TP63: variants seen among roughly 807,000 people sequenced by gnomAD.
The protein encoded by TP63 is tumor protein p63, also known as tumor protein 63.
A neutral mutation model predicts 82.8 loss-of-function variants in TP63; 17 were observed. The observed-to-expected ratio is 0.21, with a 90% CI of 0.14 to 0.31. TP63 has a LOEUF of 0.31. Ranked by LOEUF, TP63 falls within the 10% of genes least tolerant of loss-of-function variation. The pLI is 1.00. For synonymous variants in TP63, 330 were observed against 321.7 expected (o/e 1.03, Z -0.28); for missense variants, 648 against 895.3 (o/e 0.72, Z 3.52).
At chr3:189,612,657 G>A in the TP63 span, among the ~76,000 whole-genome samples, 1 of 152,144 alleles carries the variant, frequency 6.6e-6, no homozygotes, top group South Asian at 2.1e-4. Flanking sequence ...GAGTTTGGAG[G>A]GCTCAGAAGA....
chr3:189,864,511 C>A, intron 5 of TP63, 93 bp downstream of exon 5: 10 of 962,316 alleles, frequency 1.0e-5, no homozygotes, highest in Non-Finnish European at 1.0e-5. Flanking sequence ...CTGATTCAGA[C>A]TTCTGCACTC....
chr3:189,702,022 T>C (rs1717852409), intron 1 of TP63, among the ~76,000 whole-genome samples: 1 of 152,206 alleles, frequency 6.6e-6, no homozygotes, highest in Admixed American at 6.5e-5. Flanking sequence ...TGCATTATCT[T>C]AGGGAGCCTG....
chr3:189,726,026 G>A (rs1719751186), intron 1 of TP63, among the ~76,000 whole-genome samples: 2 of 136,576 alleles, frequency 1.5e-5, no homozygotes. Context: ...TTGCACTCCA[G>A]CCTAGGCAAC....
chr3:189,660,656 A>T (rs1173433850), intron 1 of TP63, among the ~76,000 whole-genome samples: 1 of 152,106 alleles, frequency 6.6e-6, no homozygotes, highest in African/African-American at 2.4e-5. Context: ...TTTGGGCATT[A>T]TGGCTATTAC....
At chr3:189,740,763 G>T (rs1380531940) in intron 3 of TP63, among the ~76,000 whole-genome samples, 4 of 152,040 alleles carry the variant, frequency 2.6e-5, no homozygotes, top group African/African-American at 9.7e-5. Flanking sequence ...GCCTCTGAAA[G>T]TGCTGGGATT....
intron 12 of TP63, among the ~76,000 whole-genome samples, chr3:189,889,943 A>G (rs969894560): frequency 1.3e-5 from 2 of 152,200 alleles, no homozygotes. Context: ...ATCCAAAATG[A>G]CAGGGACTTT....
chr3:189,679,053 T>C lies in TP63; in HGVS notation c.62+47476T>C, dbSNP rs183502075. On this transcript the variant is annotated intron_variant, in intron 1 of 13. Transcript: ENST00000264731. ...TCATTCATGTTTAGATGAACAGAGG[T>C]TGATTCCGTATCTGAGCTATTGTGA... Among the ~76,000 whole-genome samples, 3 of 152,122 alleles carry C rather than the reference T, an allele frequency of 2.0e-5. No homozygotes were observed. The East Asian group carries it at 5.8e-4, about 29-fold the overall frequency.
intron 1 of TP63, among the ~76,000 whole-genome samples, chr3:189,678,183 G>A (rs755548205): frequency 6.6e-6 from 1 of 151,914 alleles, no homozygotes; most frequent in African/African-American, 2.4e-5. Flanking sequence ...ACTGTCCCAA[G>A]TGTTTTTTCT....
chr3:189,811,612 C>T (rs1235012654), intron 4 of TP63, among the ~76,000 whole-genome samples: 1 of 152,102 alleles, frequency 6.6e-6, no homozygotes, highest in Non-Finnish European at 1.5e-5. Flanking sequence ...AATTATATAT[C>T]CTCATGTTTA....
chr3:189,780,943 G>A (rs1223373975), intron 3 of TP63, among the ~76,000 whole-genome samples: 1 of 152,136 alleles, frequency 6.6e-6, no homozygotes, highest in African/African-American at 2.4e-5. Context: ...TTTTGTGTTT[G>A]TGGTAAGGGC....
intron 4 of TP63, among the ~76,000 whole-genome samples, chr3:189,834,610 C>T (rs1433492594): frequency 1.3e-5 from 2 of 152,150 alleles, no homozygotes; most frequent in African/African-American, 2.4e-5. Flanking sequence ...TGGCTGTTCA[C>T]ACAGAACAGA....
intron 1 of TP63, among the ~76,000 whole-genome samples, chr3:189,721,019 AG>A (rs1398956705): frequency 6.6e-6 from 1 of 152,188 alleles, no homozygotes; most frequent in Non-Finnish European, 1.5e-5. Context: ...TGCCTGTAGG[AG>A]GTGATTGGCT....
chr3:189,792,841 G>T (rs1725297222), intron 3 of TP63, among the ~76,000 whole-genome samples: 1 of 152,056 alleles, frequency 6.6e-6, no homozygotes, highest in Admixed American at 6.6e-5. Context: ...TAAACTCCCT[G>T]TAGTCCAGGT....
In TP63 at chr3:189,677,398, GTA is replaced by G. The variant is rs143386699; in HGVS notation, c.62+45830_62+45831del. Among the ~76,000 whole-genome samples the G allele has an allele frequency of 2.1e-3, 230 of 110,830 alleles. 1 individual carries two copies. The highest frequency in any genetic ancestry group is 5.3e-3 in the African/African-American group (197 of 36,888). 72.7% of individuals were successfully genotyped at this position (110,830 alleles called of 152,430 possible). A position where few individuals can be genotyped will look rare whatever the true frequency, so the allele number is the denominator to read the frequency against. On this transcript the variant is annotated intron_variant, in intron 1 of 13. Coordinates refer to ENST00000264731, the MANE Select transcript of TP63 (RefSeq NM_003722.5). Reference sequence around the variant, plus strand: ...TAAATAATTATATATAAATATGTGTGTATATATATACATATATACACGTATAC... The same window carrying G: ...TAAATAATTATATATAAATATGTGTGTATATATACATATATACACGTATAC...
intron 3 of TP63, among the ~76,000 whole-genome samples, chr3:189,792,029 C>A (rs1725192979): frequency 6.6e-6 from 1 of 151,998 alleles, no homozygotes. Context: ...AACTATAATC[C>A]ATTCTTTGAC....
chr3:189,789,785 C>T (rs1287413624), intron 3 of TP63: 1 of 1,590,202 alleles, frequency 6.3e-7, no homozygotes, highest in East Asian at 2.3e-5. Flanking sequence ...CAGCATTGAT[C>T]AATCTTACAG....
chr3:189,808,142 A>T, intron 3 of TP63, 130 bp from the exon 4 acceptor site: 1 of 1,484,354 alleles, frequency 6.7e-7, no homozygotes, highest in Non-Finnish European at 9.3e-7. Context: ...CAACGGTTTT[A>T]CTTTGAATGT....
chr3:189,776,252 A>G (rs571726778), intron 3 of TP63, among the ~76,000 whole-genome samples: 69 of 152,262 alleles, frequency 4.5e-4, no homozygotes, highest in Admixed American at 7.8e-4. Flanking sequence ...ATTGCTTGCA[A>G]TTACTGCTCA....
chr3:189,735,262 T>C (rs758026621), intron 1 of TP63, among the ~76,000 whole-genome samples: 2 of 152,212 alleles, frequency 1.3e-5, no homozygotes, highest in African/African-American at 2.4e-5. Flanking sequence ...TCTGCACAGG[T>C]CGTTTTATCC....
Sources: allele counts gnomAD v4.1 joint callset (sites outside exome capture counted in the v4.1 genomes callset), GRCh38; gene constraint gnomAD v4.1.1; transcripts MANE v1.5; gene names NCBI Gene and HGNC (gene_info 2026-07-23, HGNC 2026-07-21).